INCA1: variants seen among roughly 807,000 people sequenced by gnomAD.
INCA1 encodes the protein protein INCA1.
A neutral mutation model predicts 25.7 loss-of-function variants in INCA1; 28 were observed. That is an observed-to-expected ratio of 1.09 (90% confidence interval 0.81 to 1.49). The LOEUF is 1.49. Among genes scored for constraint, INCA1 ranks in the 40% most tolerant of loss-of-function variants. The probability of loss-of-function intolerance (pLI) is 0.00; values close to 1 mark genes in which losing one functional copy is unlikely to be tolerated. For missense variants in INCA1, 309 were observed against 290.9 expected, an observed-to-expected ratio of 1.06 and a Z score of -0.45; for synonymous variants, 111 against 103.6, an observed-to-expected ratio of 1.07 and a Z score of -0.43.
intron 3 of INCA1, 72 bp downstream of exon 3, chr17:4,990,080 C>T (rs1283163072): frequency 6.2e-7 from 1 of 1,610,314 alleles, no homozygotes; most frequent in African/African-American, 1.3e-5. Context: ...GGGCCTATTG[C>T]TATATGGGTT....
chr17:4,993,126 C>T (rs956657226), intron 2 of INCA1, among the ~76,000 whole-genome samples: 28 of 151,988 alleles, frequency 1.8e-4, no homozygotes, highest in African/African-American at 4.8e-4. Context: ...GTAATCCGCC[C>T]GCCTTGGCCT....
At chr17:4,988,861 G>A (rs372170640) in exon 6 of INCA1, 48 of 1,614,096 alleles carry the variant, frequency 3.0e-5, no homozygotes, top group South Asian at 2.5e-4. Context: ...GTATTCATTG[G>A]TGCTGGGGAA....
intron 6 of INCA1, 57 bp from the exon 7 acceptor site, chr17:4,988,611 T>G: frequency 6.3e-7 from 1 of 1,599,518 alleles, no homozygotes; most frequent in Non-Finnish European, 8.5e-7. Context: ...TCTTTCCAGA[T>G]TTCCTAGTAC....
At chr17:4,988,597 G>A in intron 6 of INCA1, 43 bp from the exon 7 acceptor site, 1 of 1,605,470 alleles carries the variant, frequency 6.2e-7, no homozygotes, top group Non-Finnish European at 8.5e-7. Context: ...GGAAAAGTAG[G>A]TCTTCTTTCC....
chr17:4,996,104 G>T (rs1314021605), intron 1 of INCA1, among the ~76,000 whole-genome samples: 1 of 152,072 alleles, frequency 6.6e-6, no homozygotes, highest in Non-Finnish European at 1.5e-5. Flanking sequence ...GGCAGTTAAG[G>T]CTGGGCACAC....
chr17:4,989,106 A>G (rs1284995288), intron 5 of INCA1, among the ~76,000 whole-genome samples, 162 bp from the exon 6 acceptor site: 1 of 152,118 alleles, frequency 6.6e-6, no homozygotes, highest in African/African-American at 2.4e-5. Flanking sequence ...CTCAGACTGA[A>G]GCATATTGTC....
intron 2 of INCA1, among the ~76,000 whole-genome samples, chr17:4,991,971 G>C (rs1973902833): frequency 6.6e-6 from 1 of 151,950 alleles, no homozygotes; most frequent in African/African-American, 2.4e-5. Context: ...CCCCGTCTCT[G>C]CTTCCATTCC....
intron 2 of INCA1, among the ~76,000 whole-genome samples, chr17:4,990,609 T>TGGTGG (rs34191744): frequency 2.0e-5 from 3 of 151,942 alleles, no homozygotes; most frequent in African/African-American, 7.3e-5. Context: ...TGGCCGGGCG[T>TGGTGG]GGTGGCTCAT....
chr17:4,994,595 G>C (rs2143242268), intron 1 of INCA1, 120 bp from the exon 2 acceptor site: 1 of 669,058 alleles, frequency 1.5e-6, no homozygotes, highest in East Asian at 3.0e-5. Flanking sequence ...TTCAAGACCA[G>C]CCTGGCCAAT....
chr17:4,993,320 C>G (rs1974002256), intron 2 of INCA1, among the ~76,000 whole-genome samples: 1 of 151,730 alleles, frequency 6.6e-6, no homozygotes, highest in Admixed American at 6.6e-5. Flanking sequence ...GCTGGGATTA[C>G]AGGCATGCGC....
rs1973793234 is a variant in INCA1, at chr17:4,990,403, T to C, written c.45-138A>G. ...TCGGGCCATGTCCTCTCTTAACCACTTTAGCTGAAGAAGGTGGTAAGGCCT... is the reference window on the plus strand; with the variant it reads ...TCGGGCCATGTCCTCTCTTAACCACCTTAGCTGAAGAAGGTGGTAAGGCCT... On this transcript the variant is annotated intron_variant, in intron 2 of 6. Transcript: ENST00000576820. The C allele has an allele frequency of 5.4e-6, 5 of 919,904 alleles. No homozygotes were observed. The South Asian group carries it at 9.1e-5, about 17-fold the overall frequency. 57.0% of individuals were successfully genotyped at this position (919,904 alleles called of 1,614,324 possible).
At chr17:4,994,329 G>T (rs1428416174) in intron 2 of INCA1, 65 bp downstream of exon 2, 3 of 1,453,202 alleles carry the variant, frequency 2.1e-6, no homozygotes, top group Admixed American at 1.7e-5. Context: ...TCTTAGGGAA[G>T]GACCCAGGCA....
chr17:4,990,638 T>G (rs1847653875), intron 2 of INCA1, among the ~76,000 whole-genome samples: 1 of 151,808 alleles, frequency 6.6e-6, no homozygotes, highest in Admixed American at 6.6e-5. Flanking sequence ...TCCCAGCACT[T>G]TGGGAGGCTG....
chr17:4,994,222 G>A (rs904566857), intron 2 of INCA1, among the ~76,000 whole-genome samples, 172 bp downstream of exon 2: 1 of 152,154 alleles, frequency 6.6e-6, no homozygotes, highest in South Asian at 2.1e-4. Flanking sequence ...ACAGTCCCTG[G>A]AACATTGTAG....
chr17:4,996,900 C>T (rs928496612), intron 1 of INCA1: 3 of 152,950 alleles, frequency 2.0e-5, no homozygotes, highest in African/African-American at 7.2e-5. Flanking sequence ...AAAGTGGGGT[C>T]TAAAGGGGAT....
At chr17:4,989,481 C>T (rs1284808230) in exon 5 of INCA1, 3 of 1,614,184 alleles carry the variant, frequency 1.9e-6, no homozygotes, top group South Asian at 2.2e-5. Context: ...AAGTGACAGC[C>T]CTCACCCGGG....
intron 2 of INCA1, among the ~76,000 whole-genome samples, chr17:4,990,528 A>G (rs1973800866): frequency 6.6e-6 from 1 of 152,092 alleles, no homozygotes; most frequent in Non-Finnish European, 1.5e-5. Flanking sequence ...GGGATGTCCA[A>G]TCTTTTGGCT....
chr17:4,992,627 C>T (rs1216412268), intron 2 of INCA1, among the ~76,000 whole-genome samples: 1 of 145,900 alleles, frequency 6.9e-6, no homozygotes, highest in African/African-American at 2.5e-5. Flanking sequence ...CCTCTCCTCC[C>T]CTCTCCTCCC....
At chr17:4,990,576 C>A (rs768623917) in intron 2 of INCA1, among the ~76,000 whole-genome samples, 6 of 152,012 alleles carry the variant, frequency 3.9e-5, no homozygotes, top group Non-Finnish European at 8.8e-5. Context: ...TTGTCTTGGG[C>A]CACACATAAA....
Sources: gnomAD v4.1 joint callset for allele counts (sites outside exome capture counted in the v4.1 genomes callset) on GRCh38, gnomAD v4.1.1 for gene constraint, MANE v1.5 for transcripts, NCBI Gene and HGNC (gene_info 2026-07-23, HGNC 2026-07-21) for gene names.